NUTM1: variants seen among roughly 807,000 people sequenced by gnomAD.
NUTM1 encodes the protein NUT midline carcinoma family member 1.
NUTM1 carries 39 observed loss-of-function variants against 88.7 expected under a neutral mutation model. The ratio of observed to expected loss-of-function variants is 0.44; its 90% CI spans 0.34 to 0.57. The LOEUF is 0.57. Ranked by LOEUF, NUTM1 falls within the 20% of genes least tolerant of loss-of-function variation. The pLI is 0.01. For synonymous variants in NUTM1, 494 were observed against 538.0 expected (o/e 0.92, Z 1.13); for missense variants, 1,350 against 1,414.5 (o/e 0.95, Z 0.73).
intron 3 of NUTM1, among the ~76,000 whole-genome samples, chr15:34,349,507 T>C (rs948053785): frequency 1.3e-5 from 2 of 152,116 alleles, no homozygotes; most frequent in Non-Finnish European, 2.9e-5. Context: ...GAGTGTGTGT[T>C]TAGTCAAGGA....
intron 4 of NUTM1, 38 bp from the exon 5 acceptor site, chr15:34,353,698 C>T (rs1890748105): frequency 6.2e-7 from 1 of 1,612,862 alleles, no homozygotes; most frequent in Non-Finnish European, 8.5e-7. Flanking sequence ...GTCTGGTCTC[C>T]TTCTCAGCAT....
At position 34,356,295 on chromosome 15, in the gene NUTM1, C is replaced by G; in HGVS notation, c.2287C>G (p.Leu763Val). 1 of 1,613,318 alleles carries G rather than the reference C, an allele frequency of 6.2e-7. No homozygotes were observed. Among genetic ancestry groups the G allele is most frequent in the Non-Finnish European group, 8.5e-7 (1 of 1,179,676 alleles). ...SSEMDAVGLE[L>V]PVQIEEVIES... ...TGAGATGGATGCTGTAGGCTTGGAG[C>G]TGCCTGTACAAATAGAGGAGGTCAT... Residue 763 changes from leucine (L) to valine (V), a missense_variant, in exon 8 of 8, where the codon CTG becomes GTG. Around this residue, in one of 5 missense-constraint regions of NUTM1, gnomAD observed 730 missense variants for 728.8 expected, o/e 1.00. Transcript: ENST00000537011.
intron 1 of NUTM1, among the ~76,000 whole-genome samples, chr15:34,344,935 G>A (rs188096627): frequency 4.7e-4 from 72 of 151,686 alleles, no homozygotes; most frequent in Non-Finnish European, 9.0e-4. Flanking sequence ...GGACAATGGC[G>A]TGAACCCGGA....
chr15:34,357,403 T>G lies in NUTM1; in HGVS notation c.3395T>G (p.Leu1132Arg). The G allele has an allele frequency of 6.2e-7, 1 of 1,614,156 alleles. No individual in the cohort carries two copies. Among genetic ancestry groups the G allele is most frequent in the South Asian group, 1.1e-5 (1 of 91,086 alleles). ...GTCCCCAGGGAGAAACCCCTAGCTC[T>G]GGGAGTAGTTCGACCCTCACAGCCT... ...LGVPREKPLA[L>R]GVVRPSQPRK... The change falls in exon 8 of 8, where the codon CTG becomes CGG. Residue 1132 changes from leucine (L) to arginine (R), a missense_variant. Physicochemically the swap from Leu to Arg is moderately radical, Grantham distance 102 (BLOSUM62 -2). Transcript: ENST00000537011.
rs1485149631 is a variant in NUTM1 at position 34,355,261 on chromosome 15, C to T, written c.1479+124C>T. 1.0e-5 allele frequency: 8 copies of T among 776,664 alleles called. No homozygotes were observed. Among genetic ancestry groups the T allele is most frequent in the African/African-American group, 6.9e-5 (4 of 58,220 alleles). 48.1% of individuals were successfully genotyped at this position (776,664 alleles called of 1,614,324 possible). On this transcript the variant is annotated intron_variant, in intron 7 of 7. Transcript: ENST00000537011. The surrounding 1 kb of genome is among the most constrained non-coding windows in gnomAD (Gnocchi z 4.3). ...TCAGGATTGGGCTTCAGGTGCAGAA[C>T]GAGTAGGTAGAGGGCTATGGAAACA...
In NUTM1 at chr15:34,357,426, C is replaced by T. The variant is rs1461475040; in HGVS notation, c.3418C>T (p.Pro1140Ser). ...TCTGGGAGTAGTTCGACCCTCACAG[C>T]CTCGTAAAAGGCGGTGTGACAGTTT... The part of the protein sequence containing the change: ...LALGVVRPSQ[P>S]RKRRCDSFVT... Residue 1140 changes from proline (P) to serine (S), a missense_variant, in exon 8 of 8, where the codon CCT becomes TCT. By Grantham distance (74) the Pro-to-Ser change is moderately conservative. Around this residue, in one of 5 missense-constraint regions of NUTM1, gnomAD observed 730 missense variants for 728.8 expected, o/e 1.00. Transcript: ENST00000537011. 1.9e-6 allele frequency: 3 copies of T among 1,613,704 alleles called. No individual in the cohort carries two copies. Among genetic ancestry groups the T allele is most frequent in the South Asian group, 2.2e-5 (2 of 91,056 alleles).
Position 34,357,090 on chromosome 15 carries a change from G to A in NUTM1, c.3082G>A (p.Ala1028Thr). The A allele has an allele frequency of 1.2e-6, 2 of 1,614,078 alleles. No individual in the cohort carries two copies. The highest frequency in any genetic ancestry group is 1.7e-6 in the Non-Finnish European group (2 of 1,180,006). Residue 1028 changes from alanine (A) to threonine (T), a missense_variant, in exon 8 of 8, where the codon GCC (alanine) becomes ACC (threonine). This residue lies in a region of NUTM1 where 730 missense variants were observed against 728.8 expected (regional missense o/e 1.00). Transcript: ENST00000537011. The stretch of plus-strand genomic sequence containing the variant: ...TAAAACACACAGGTCAGCAGACAGG[G>A]CCAAAGGAAAGGAGAAAAAGAAAAA... Reference protein sequence around the residue: ...VSKTHRSADRAKGKEKKKKEA... With the variant: ...VSKTHRSADRTKGKEKKKKEA...
intron 4 of NUTM1, among the ~76,000 whole-genome samples, chr15:34,353,178 C>T (rs1333915588): frequency 2.0e-5 from 3 of 151,570 alleles, no homozygotes; most frequent in African/African-American, 7.3e-5. Flanking sequence ...AGCCACTGCG[C>T]CTGGCCTCAT....
chr15:34,347,868 AAAT>A, intron 2 of NUTM1, 98 bp from the exon 3 acceptor site: 1 of 573,044 alleles, frequency 1.7e-6, no homozygotes, highest in Non-Finnish European at 2.8e-6. Flanking sequence ...ATAAAAATAA[AAAT>A]AAAAATAAAA....
intron 3 of NUTM1, 133 bp downstream of exon 3, chr15:34,348,810 T>C (rs940791783): frequency 1.6e-6 from 1 of 624,840 alleles, no homozygotes; most frequent in Non-Finnish European, 2.8e-6. Context: ...GCTCTGAGAA[T>C]GAAAAACATA....
Position 34,355,447 on chromosome 15 carries a change from A to C in NUTM1, c.1480-41A>C, listed in dbSNP as rs1169823311. On this transcript the variant is annotated intron_variant, in intron 7 of 7. Coordinates refer to ENST00000537011, the MANE Select transcript of NUTM1 (RefSeq NM_001284292.2). This position sits in a 1 kb window ranked among gnomAD's most constrained non-coding sequence, Gnocchi z 4.3. ...TGCCACCCACTCAGCCACCTCTTTC[A>C]CAACCACGTATAGAACTGACTATTT... The C allele has an allele frequency of 6.2e-7, 1 of 1,609,672 alleles. No homozygotes were observed.
rs1313597183 is a variant in NUTM1 at position 34,354,664 on chromosome 15, A to T, written c.1294A>T (p.Met432Leu). The T allele has an allele frequency of 1.2e-6, 2 of 1,614,142 alleles. No individual in the cohort carries two copies. The highest frequency in any genetic ancestry group is 1.7e-6 in the Non-Finnish European group (2 of 1,180,016). ...AGGGCAGCAGCAGGAGGAGGAAGGG[A>T]TGTATCCAGATCCAGGTCTCCTGAG... ...EEGQQQEEEG[M>L]YPDPGLLSYI... Residue 432 changes from methionine to leucine, a missense_variant, in exon 6 of 8, where the codon ATG becomes TTG. Met to Leu is a conservative substitution (Grantham distance 15). Around this residue, in one of 5 missense-constraint regions of NUTM1, gnomAD observed 126 missense variants for 189.8 expected, o/e 0.66. Coordinates refer to ENST00000537011, the MANE Select transcript of NUTM1 (RefSeq NM_001284292.2).
intron 4 of NUTM1, among the ~76,000 whole-genome samples, chr15:34,351,389 A>AG (rs1890707025): frequency 6.6e-6 from 1 of 151,590 alleles, no homozygotes; most frequent in East Asian, 1.9e-4. Context: ...CACAAAAAAA[A>AG]AAAAAAGAAA....
chr15:34,344,745 C>T (rs547743727), intron 1 of NUTM1, among the ~76,000 whole-genome samples: 4 of 152,108 alleles, frequency 2.6e-5, no homozygotes, highest in South Asian at 4.2e-4. Flanking sequence ...AGGCCGGGCA[C>T]GGTGGCTCAC....
intron 4 of NUTM1, among the ~76,000 whole-genome samples, chr15:34,351,264 A>T (rs1466350542): frequency 1.2e-4 from 15 of 122,422 alleles, no homozygotes; most frequent in East Asian, 5.3e-4. Flanking sequence ...AAAAAAAAAA[A>T]GGGATGTTAG....
chr15:34,349,273 G>A (rs1176731354), intron 3 of NUTM1, among the ~76,000 whole-genome samples: 1 of 152,168 alleles, frequency 6.6e-6, no homozygotes, highest in Non-Finnish European at 1.5e-5. Context: ...TTGTGATCCT[G>A]GGCAGGACAT....
chr15:34,350,760 T>A lies in NUTM1; in HGVS notation c.866T>A (p.Leu289Gln), dbSNP rs1198374303. The A allele has an allele frequency of 6.2e-7, 1 of 1,613,978 alleles. No homozygotes were observed. Among genetic ancestry groups the A allele is most frequent in the African/African-American group, 1.3e-5 (1 of 75,044 alleles). ...LKPTMTLEEG[L>Q]PLAVQEWEHT... ...CCCACTATGACCCTGGAGGAGGGAC[T>A]GCCATTGGCTGTGCAGGAGTGGGAG... The change falls in exon 4 of 8, where the codon CTG becomes CAG. Residue 289 changes from leucine (L) to glutamine (Q), a missense_variant. Leu to Gln is a moderately radical substitution (Grantham distance 113, BLOSUM62 -2). Around this residue, in one of 5 missense-constraint regions of NUTM1, gnomAD observed 399 missense variants for 397.9 expected, o/e 1.00. Coordinates refer to ENST00000537011, the MANE Select transcript of NUTM1 (RefSeq NM_001284292.2).
intron 1 of NUTM1, 37 bp downstream of exon 1, chr15:34,343,739 C>G: frequency 1.3e-6 from 2 of 1,521,174 alleles, no homozygotes; most frequent in Non-Finnish European, 1.8e-6. Context: ...AGTGCACCTT[C>G]TAGGAGTTTT....
Position 34,356,795 on chromosome 15 carries a change from C to G in NUTM1, c.2787C>G (p.Val929=), listed in dbSNP as rs892382369. The change falls in exon 8 of 8, where the codon GTC becomes GTG. Residue 929 remains valine (V), a synonymous_variant. Coordinates refer to ENST00000537011, the MANE Select transcript of NUTM1 (RefSeq NM_001284292.2). The part of the protein sequence containing the change: ...FSPLLETIEP[V]NILDVKDDCG... The stretch of plus-strand genomic sequence containing the variant: ...CTCTGTTGGAAACCATAGAACCTGT[C>G]AACATACTAGATGTTAAAGATGACT... 5 of 1,611,762 alleles carry G rather than the reference C, an allele frequency of 3.1e-6. No individual in the cohort carries two copies. The highest frequency in any genetic ancestry group is 4.2e-6 in the Non-Finnish European group (5 of 1,179,652).
Sources: allele counts gnomAD v4.1 joint callset (sites outside exome capture counted in the v4.1 genomes callset), GRCh38; gene constraint gnomAD v4.1.1; regional missense constraint gnomAD v4.1.1; non-coding constraint Gnocchi (gnomAD v3.1); transcripts MANE v1.5; gene names NCBI Gene and HGNC (gene_info 2026-07-23, HGNC 2026-07-21).